MAPRE3: variants seen among roughly 807,000 people sequenced by gnomAD.
MAPRE3 encodes the protein microtubule-associated protein RP/EB family member 3.
Under a neutral mutation model 30.5 loss-of-function variants are expected in MAPRE3, and 2 were observed. The ratio of observed to expected loss-of-function variants is 0.07; its 90% CI spans 0.03 to 0.21. MAPRE3 has a LOEUF of 0.21. Ranked by LOEUF, MAPRE3 falls within the 10% of genes least tolerant of loss-of-function variation. The pLI, the probability that MAPRE3 is intolerant of heterozygous loss-of-function variation, is 1.00. For synonymous variants in MAPRE3, 110 were observed against 127.7 expected, an observed-to-expected ratio of 0.86 and a Z score of 0.93; for missense variants, 204 against 351.8, an observed-to-expected ratio of 0.58 and a Z score of 3.36.
chr2:26,991,453 G>A (rs1350853857), intron 1 of MAPRE3, among the ~76,000 whole-genome samples: 1 of 152,160 alleles, frequency 6.6e-6, no homozygotes, highest in African/African-American at 2.4e-5. Context: ...GTTTGGTGGT[G>A]GTGATAGGGA....
chr2:27,022,416 C>A, intron 2 of MAPRE3, 77 bp downstream of exon 2: 1 of 1,565,002 alleles, frequency 6.4e-7, no homozygotes. Flanking sequence ...GCAGCCACAA[C>A]AGGGAATATA....
rs914430383 is a variant in MAPRE3, at chr2:27,015,866, C to A, written c.-7-6346C>A. 3.3e-5 allele frequency among the ~76,000 whole-genome samples: 5 copies of A among 152,116 alleles called. No individual in the cohort carries two copies. Among genetic ancestry groups the A allele is most frequent in the Non-Finnish European group, 7.3e-5 (5 of 68,028 alleles). On this transcript the variant is annotated intron_variant, in intron 1 of 6. Coordinates refer to ENST00000233121, the MANE Select transcript of MAPRE3 (RefSeq NM_012326.4). This position sits in a 1 kb window ranked among gnomAD's most constrained non-coding sequence, Gnocchi z 4.0. ...GATGGTCTCTAGAAACCCTTCTGAC[C>A]ATGGGTTAGTGGGATTTGGTCTTGA...
chr2:27,027,107 T>C lies in MAPRE3; in HGVS notation c.*759T>C, dbSNP rs1667261909. The C allele has an allele frequency of 6.6e-6, 1 of 152,462 alleles. No homozygotes were observed. The allele number at this position is 152,462 out of a possible 1,614,324, so 9.4% of individuals were successfully genotyped here. On this transcript the variant is annotated 3_prime_UTR_variant, in exon 7 of 7. Coordinates refer to ENST00000233121, the MANE Select transcript of MAPRE3 (RefSeq NM_012326.4). ...TGCCTGGACCCCATTGTCTGTCTGC[T>C]TCCCACCTGCCCTCCCCACCCCCTG...
At chr2:27,000,063 G>A (rs1054114283) in intron 1 of MAPRE3, among the ~76,000 whole-genome samples, 1 of 152,068 alleles carries the variant, frequency 6.6e-6, no homozygotes, top group Admixed American at 6.6e-5. Context: ...CTCAGTTGTT[G>A]GTTCTTAAAA....
In MAPRE3 at chr2:26,976,950, A is replaced by G. The variant is rs1666026066; in HGVS notation, c.-8+6148A>G. On this transcript the variant is annotated intron_variant, in intron 1 of 6. Coordinates refer to ENST00000233121, the MANE Select transcript of MAPRE3 (RefSeq NM_012326.4). ...TTATTAATGCAACATTACTAGTAAT[A>G]TCAAACATTGAAAACAACCAAAAGT... Among the ~76,000 whole-genome samples the G allele has an allele frequency of 2.0e-5, 3 of 152,260 alleles. No individual in the cohort carries two copies. In the South Asian group the frequency reaches 6.2e-4, roughly 32 times the overall value.
chr2:27,004,754 C>G (rs1666685018), intron 1 of MAPRE3, among the ~76,000 whole-genome samples: 4 of 148,374 alleles, frequency 2.7e-5, no homozygotes, highest in African/African-American at 5.0e-5. Flanking sequence ...AAAGTAAATG[C>G]CATGGATATG....
At chr2:27,004,738 A>AT (rs968678037) in intron 1 of MAPRE3, among the ~76,000 whole-genome samples, 5 of 151,976 alleles carry the variant, frequency 3.3e-5, no homozygotes, top group African/African-American at 1.2e-4. Context: ...TAAAAAAAAA[A>AT]AAAAAAAAGT....
intron 1 of MAPRE3, among the ~76,000 whole-genome samples, chr2:26,975,807 A>G (rs911392388): frequency 3.3e-5 from 5 of 152,164 alleles, no homozygotes; most frequent in Admixed American, 3.3e-4. Context: ...TGGGGCAAAT[A>G]GGGTTTGACA....
chr2:26,988,363 T>C (rs1666262261), intron 1 of MAPRE3, among the ~76,000 whole-genome samples: 1 of 152,232 alleles, frequency 6.6e-6, no homozygotes, highest in South Asian at 2.1e-4. Flanking sequence ...ACTGCATACA[T>C]TTAGCTGCTT....
At chr2:27,002,216 C>T (rs1428817653) in intron 1 of MAPRE3, 1 of 152,186 alleles carries the variant, frequency 6.6e-6, no homozygotes, top group East Asian at 1.9e-4. Flanking sequence ...TAGAACATCC[C>T]TCTTTTCAGA....
intron 1 of MAPRE3, among the ~76,000 whole-genome samples, chr2:26,976,195 A>G (rs1666010472): frequency 1.3e-5 from 2 of 152,244 alleles, no homozygotes. Context: ...CATCTTTCAC[A>G]TAATGACTGA....
At chr2:27,006,925 T>C (rs1292154174) in intron 1 of MAPRE3, among the ~76,000 whole-genome samples, 2 of 152,200 alleles carry the variant, frequency 1.3e-5, no homozygotes, top group African/African-American at 2.4e-5. Flanking sequence ...GGAAGTTAGA[T>C]ACATGGGAAG....
chr2:26,993,002 T>C (rs1307179183), intron 1 of MAPRE3, among the ~76,000 whole-genome samples: 1 of 152,246 alleles, frequency 6.6e-6, no homozygotes, highest in East Asian at 1.9e-4. Flanking sequence ...ATAGGGATTG[T>C]ATAGCTCCCA....
Position 27,023,474 on chromosome 2 carries a change from C to G in MAPRE3, c.264C>G (p.Asp88Glu). The change falls in exon 3 of 7, where the codon GAC (aspartate) becomes GAG (glutamate). Residue 88 changes from aspartate to glutamate, a missense_variant. Physicochemically the swap from Asp to Glu is conservative, Grantham distance 45 (BLOSUM62 2). This residue lies in a region of MAPRE3 where 101 missense variants were observed against 205.4 expected (regional missense o/e 0.49). Coordinates refer to ENST00000233121, the MANE Select transcript of MAPRE3 (RefSeq NM_012326.4). ...CAGCTTTCAAGAAGATGGGTGTTGA[C>G]AAAGTAGGTGCCTGCGCTCTGGGGG... ...LQAAFKKMGV[D>E]KIIPVEKLVK... The G allele has an allele frequency of 6.2e-7, 1 of 1,613,962 alleles. No individual in the cohort carries two copies. The highest frequency in any genetic ancestry group is 8.5e-7 in the Non-Finnish European group (1 of 1,179,956).
intron 1 of MAPRE3, among the ~76,000 whole-genome samples, chr2:26,989,003 G>T (rs1666273704): frequency 6.6e-6 from 1 of 152,198 alleles, no homozygotes; most frequent in Admixed American, 6.5e-5. Context: ...ACCTCTGTGT[G>T]TGGTGAAGTC....
chr2:26,984,697 T>G (rs555947935), intron 1 of MAPRE3: 3 of 152,390 alleles, frequency 2.0e-5, no homozygotes, highest in African/African-American at 7.2e-5. Context: ...TACAGAAAGC[T>G]CGTTGCCACC....
intron 1 of MAPRE3, among the ~76,000 whole-genome samples, chr2:27,005,882 T>C (rs900832941): frequency 2.6e-5 from 4 of 152,168 alleles, no homozygotes; most frequent in Non-Finnish European, 4.4e-5. Flanking sequence ...AAAAGAGACC[T>C]TAAAACCAAG....
chr2:26,975,641 C>A (rs981986168), intron 1 of MAPRE3, among the ~76,000 whole-genome samples: 2 of 152,134 alleles, frequency 1.3e-5, no homozygotes, highest in Non-Finnish European at 2.9e-5. Flanking sequence ...CAAAGGGGAA[C>A]TTTTACTTTA....
chr2:27,010,878 C>A (rs1464466498), intron 1 of MAPRE3, among the ~76,000 whole-genome samples: 1 of 152,230 alleles, frequency 6.6e-6, no homozygotes. Flanking sequence ...ATGTCCCTCT[C>A]CAGCTTCCTC....
Sources: gnomAD v4.1 joint callset for allele counts (sites outside exome capture counted in the v4.1 genomes callset) on GRCh38, gnomAD v4.1.1 for gene constraint, gnomAD v4.1.1 regional missense constraint, Gnocchi (gnomAD v3.1) non-coding constraint, MANE v1.5 for transcripts, NCBI Gene and HGNC (gene_info 2026-07-23, HGNC 2026-07-21) for gene names.